UTP25: variants seen among roughly 807,000 people sequenced by gnomAD.
UTP25 encodes U3 small nucleolar RNA-associated protein 25 homolog.
Under a neutral mutation model 78.9 loss-of-function variants are expected in UTP25, and 50 were observed. The ratio of observed to expected loss-of-function variants is 0.63; its 90% CI spans 0.50 to 0.80. The LOEUF (loss-of-function observed/expected upper bound fraction) is 0.80, where lower values mean the gene tolerates loss of function less well. UTP25 is among the 30% of genes least tolerant of loss of function. UTP25 has a pLI of 0.00. For missense variants in UTP25, 846 were observed against 911.3 expected (o/e 0.93, Z 0.92); for synonymous variants, 329 against 336.5 (o/e 0.98, Z 0.24).
chr1:209,830,229 A>G (rs2078095151), intron 2 of UTP25, 82 bp downstream of exon 2: 4 of 1,236,876 alleles, frequency 3.2e-6, no homozygotes, highest in Admixed American at 2.3e-5. Flanking sequence ...GCTTGATTAC[A>G]TTTCTATTCC....
Position 209,854,972 on chromosome 1 carries a change from C to A in UTP25, c.*3525C>A, listed in dbSNP as rs1241372733. The A allele has an allele frequency of 6.6e-6, 1 of 152,190 alleles. No individual in the cohort carries two copies. Among genetic ancestry groups the A allele is most frequent in the Non-Finnish European group, 1.5e-5 (1 of 68,040 alleles). 9.4% of individuals were successfully genotyped at this position (152,190 alleles called of 1,614,324 possible). A position where few individuals can be genotyped will look rare whatever the true frequency, so the allele number is the denominator to read the frequency against. On this transcript the variant is annotated 3_prime_UTR_variant, in exon 12 of 12. Transcript: ENST00000491415. ...TGATCTTCATTACCAAATTTCTACTCCACACTTATTTTAAAAAGCTTTTCT... is the reference window on the plus strand; with the variant it reads ...TGATCTTCATTACCAAATTTCTACTACACACTTATTTTAAAAAGCTTTTCT...
chr1:209,839,178 G>C, intron 7 of UTP25, 50 bp downstream of exon 7: 1 of 1,467,636 alleles, frequency 6.8e-7, no homozygotes, highest in Non-Finnish European at 9.3e-7. Context: ...GGTCTACATA[G>C]CTGGAGACCA....
chr1:209,837,785 T>G (rs1267376661), intron 6 of UTP25, among the ~76,000 whole-genome samples: 2 of 152,246 alleles, frequency 1.3e-5, no homozygotes, highest in Non-Finnish European at 2.9e-5. Flanking sequence ...CTAGTGGATT[T>G]GAGGCCTTAA....
intron 3 of UTP25, 94 bp from the exon 4 acceptor site, chr1:209,833,091 C>CAT: frequency 8.6e-7 from 1 of 1,168,602 alleles, no homozygotes; most frequent in South Asian, 1.6e-5. Flanking sequence ...TATCAATGAA[C>CAT]GCTATTGTTG....
At chr1:209,830,512 AAAAG>A (rs1239373892) in intron 2 of UTP25, among the ~76,000 whole-genome samples, 2 of 151,742 alleles carry the variant, frequency 1.3e-5, no homozygotes, top group Non-Finnish European at 2.9e-5. Context: ...AAAAAAAAAA[AAAAG>A]AAACCTGTTT....
chr1:209,849,624 T>C (rs571952728), intron 11 of UTP25, among the ~76,000 whole-genome samples: 3 of 152,224 alleles, frequency 2.0e-5, no homozygotes, highest in African/African-American at 7.2e-5. Flanking sequence ...CTACCACCAG[T>C]GGGGTCTCCC....
At chr1:209,836,301 CAAAATAG>C (rs2078132598) in intron 5 of UTP25, among the ~76,000 whole-genome samples, 1 of 152,146 alleles carries the variant, frequency 6.6e-6, no homozygotes, top group African/African-American at 2.4e-5. Flanking sequence ...TTGTATCCCA[CAAAATAG>C]AAAATAGTAT....
At chr1:209,843,373 T>A (rs2078178127) in intron 10 of UTP25, 78 bp from the exon 11 acceptor site, 26 of 1,526,672 alleles carry the variant, frequency 1.7e-5, no homozygotes, top group Middle Eastern at 1.7e-4. Flanking sequence ...GATTGTAATT[T>A]GCTCAGGGTC....
chr1:209,830,759 GAAC>G, intron 2 of UTP25, 41 bp from the exon 3 acceptor site: 1 of 1,597,570 alleles, frequency 6.3e-7, no homozygotes, highest in Non-Finnish European at 8.5e-7. Flanking sequence ...GTAACAATAA[GAAC>G]AATATAGTTT....
intron 10 of UTP25, 136 bp from the exon 11 acceptor site, chr1:209,843,315 G>A (rs2078177775): frequency 4.1e-6 from 4 of 985,816 alleles, no homozygotes; most frequent in Non-Finnish European, 5.9e-6. Flanking sequence ...ATCTCTTTGA[G>A]AGGAGGTAAA....
At chr1:209,835,253 G>C in intron 5 of UTP25, 90 bp downstream of exon 5, 1 of 1,075,216 alleles carries the variant, frequency 9.3e-7, no homozygotes, top group East Asian at 2.4e-5. Flanking sequence ...CAGAATGTAT[G>C]ATATACACCT....
chr1:209,829,115 ATATTTGTGGGATACAGTGTGATAT>A (rs1374040546), intron 1 of UTP25, among the ~76,000 whole-genome samples: 9 of 152,208 alleles, frequency 5.9e-5, no homozygotes, highest in African/African-American at 1.9e-4. Flanking sequence ...ATGATTGTAC[ATATTTGTGGGATACAGTGTGATAT>A]TTTGATAACA....
intron 3 of UTP25, among the ~76,000 whole-genome samples, chr1:209,831,730 C>A (rs2078104486): frequency 6.6e-6 from 1 of 152,218 alleles, no homozygotes; most frequent in Non-Finnish European, 1.5e-5. Context: ...GTTCCCCACC[C>A]TTGGCATCAG....
Position 209,857,346 on chromosome 1 carries a change from T to C in UTP25, c.*5899T>C, listed in dbSNP as rs945100855. The C allele has an allele frequency of 3.3e-5, 5 of 152,240 alleles. No homozygotes were observed. The highest frequency in any genetic ancestry group is 5.9e-5 in the Non-Finnish European group (4 of 68,028). 9.4% of individuals were successfully genotyped at this position (152,240 alleles called of 1,614,324 possible). ...CCTTACTTCCTTAAACTTTTTTTTTTCCTGAAAAGTTATTCTTTTAATCTT... is the reference window on the plus strand; with the variant it reads ...CCTTACTTCCTTAAACTTTTTTTTTCCCTGAAAAGTTATTCTTTTAATCTT... On this transcript the variant is annotated 3_prime_UTR_variant, in exon 12 of 12. Coordinates refer to ENST00000491415, the MANE Select transcript of UTP25 (RefSeq NM_014388.7).
chr1:209,829,672 G>A (rs2078092178), intron 1 of UTP25, among the ~76,000 whole-genome samples: 1 of 151,538 alleles, frequency 6.6e-6, no homozygotes, highest in Non-Finnish European at 1.5e-5. Context: ...TTTTTGTAGA[G>A]ACAGGGTCTC....
chr1:209,851,669 G>A lies in UTP25; in HGVS notation c.*222G>A. 1 of 424,660 alleles carries A rather than the reference G, an allele frequency of 2.4e-6. No homozygotes were observed. The highest frequency in any genetic ancestry group is 3.9e-5 in the East Asian group (1 of 25,396). The allele number at this position is 424,660 out of a possible 1,614,324, so 26.3% of individuals were successfully genotyped here. A position where few individuals can be genotyped will look rare whatever the true frequency, so the allele number is the denominator to read the frequency against. On this transcript the variant is annotated 3_prime_UTR_variant, in exon 12 of 12. Coordinates refer to ENST00000491415, the MANE Select transcript of UTP25 (RefSeq NM_014388.7). The stretch of plus-strand genomic sequence containing the variant: ...TCCCATCTTTCAGAAGTGAAGAGGG[G>A]GCTAGAAGGACTCTGAGAAGTTGGT...
chr1:209,841,866 C>T (rs9803662), intron 8 of UTP25, among the ~76,000 whole-genome samples: 3,244 of 152,276 alleles, frequency 0.021, 118 homozygotes, highest in African/African-American at 0.074. Context: ...GAGGAAAAGA[C>T]AGGGTGACAC....
rs2078239374 is a variant in UTP25 at position 209,851,614 on chromosome 1, A to G, written c.*167A>G. 1.1e-6 allele frequency: 1 copy of G among 902,506 alleles called. No individual in the cohort carries two copies. The highest frequency in any genetic ancestry group is 1.5e-6 in the Non-Finnish European group (1 of 647,564). The allele number at this position is 902,506 out of a possible 1,614,324, so 55.9% of individuals were successfully genotyped here. Reference sequence around the variant, plus strand: ...TTCTTTTCAGGTCATGTGTCCCTGAAAAGTTAAATGTAAACCAGATTTTGG... The same window carrying G: ...TTCTTTTCAGGTCATGTGTCCCTGAGAAGTTAAATGTAAACCAGATTTTGG... On this transcript the variant is annotated 3_prime_UTR_variant, in exon 12 of 12. Coordinates refer to ENST00000491415, the MANE Select transcript of UTP25 (RefSeq NM_014388.7).
At chr1:209,843,133 A>T (rs759934300) in intron 10 of UTP25, 4 of 395,152 alleles carry the variant, frequency 1.0e-5, no homozygotes, top group Non-Finnish European at 1.8e-5. Flanking sequence ...TTCAGTGATT[A>T]TTTGTTGACT....
Sources: gnomAD v4.1 joint callset for allele counts (sites outside exome capture counted in the v4.1 genomes callset) on GRCh38, gnomAD v4.1.1 for gene constraint, MANE v1.5 for transcripts, NCBI Gene and HGNC (gene_info 2026-07-23, HGNC 2026-07-21) for gene names.